Variants in DIS3L2 observed in about 807,000 individuals in gnomAD.
DIS3L2 encodes the protein DIS3 like 3'-5' exoribonuclease 2, also known as DIS3-like exonuclease 2.
DIS3L2 carries 34 observed loss-of-function variants against 97.5 expected under a neutral mutation model. The observed-to-expected ratio is 0.35, with a 90% CI of 0.27 to 0.46. The LOEUF is 0.46. Ranked by LOEUF, DIS3L2 falls within the 20% of genes least tolerant of loss-of-function variation. The pLI is 1.00. For synonymous variants in DIS3L2, 435 were observed against 445.2 expected, an observed-to-expected ratio of 0.98 and a Z score of 0.29; for missense variants, 1,038 against 1,146.0, an observed-to-expected ratio of 0.91 and a Z score of 1.36.
At position 232,318,145 on chromosome 2, in the gene DIS3L2, G is replaced by C. The variant is rs145805372; in HGVS notation, c.1740-11668G>C. On this transcript the variant is annotated intron_variant, in intron 14 of 20. Coordinates refer to ENST00000325385, the MANE Select transcript of DIS3L2 (RefSeq NM_152383.5). ...AGGCCTCCACAGAGGCCAGAGGCCA[G>C]AGGCCAGTAGTGGTCGGGGTGCCCA... 5.4e-3 allele frequency among the ~76,000 whole-genome samples: 818 copies of C among 152,368 alleles called. 10 individuals are homozygous for C. The highest frequency in any genetic ancestry group is 0.018 in the African/African-American group (756 of 41,590).
Position 232,205,637 on chromosome 2 carries a change from G to A in DIS3L2, c.1125-4689G>A, listed in dbSNP as rs1692008942. Among the ~76,000 whole-genome samples the A allele has an allele frequency of 7.2e-5, 11 of 152,116 alleles. No individual in the cohort carries two copies. The South Asian group carries it at 2.3e-3, about 32-fold the overall frequency. On this transcript the variant is annotated intron_variant, in intron 9 of 20. Coordinates refer to ENST00000325385, the MANE Select transcript of DIS3L2 (RefSeq NM_152383.5). ...TAAAAATTAGGAAATGAGGTAAAAG[G>A]AACACGTGAGTAGGAAAATTAGGCA...
chr2:232,213,938 A>C (rs1269354034), intron 10 of DIS3L2, among the ~76,000 whole-genome samples: 1 of 152,122 alleles, frequency 6.6e-6, no homozygotes, highest in Non-Finnish European at 1.5e-5. Flanking sequence ...ACCTATCTTC[A>C]TGAAATCTCA....
At position 232,057,984 on chromosome 2, in the gene DIS3L2, A is replaced by G. The variant is rs1197771594; in HGVS notation, c.366+27904A>G. ...GTGTTTACTTTAAAACAGGAGAAAA[A>G]TTAATGGCATTCCTCTGTATTTCCT... is the stretch of plus-strand genomic sequence containing the variant. On this transcript the variant is annotated intron_variant, in intron 5 of 20. Coordinates refer to ENST00000325385, the MANE Select transcript of DIS3L2 (RefSeq NM_152383.5). Among the ~76,000 whole-genome samples, 3 of 152,226 alleles carry G rather than the reference A, an allele frequency of 2.0e-5. No homozygotes were observed. In the East Asian group the frequency reaches 5.8e-4, roughly 29 times the overall value.
At chr2:232,228,888 A>G (rs750222859) in intron 10 of DIS3L2, among the ~76,000 whole-genome samples, 13 of 152,352 alleles carry the variant, frequency 8.5e-5, no homozygotes, top group Non-Finnish European at 1.5e-4. Context: ...TTTTCTCCAG[A>G]TATTTTAAAG....
chr2:232,097,598 TGTG>T (rs1266221445), intron 6 of DIS3L2, among the ~76,000 whole-genome samples: 2 of 152,026 alleles, frequency 1.3e-5, no homozygotes, highest in South Asian at 2.1e-4. Context: ...TCAGTCAACT[TGTG>T]GTGATGAATG....
intron 6 of DIS3L2, among the ~76,000 whole-genome samples, chr2:232,109,462 TA>T (rs200865559): frequency 1.7e-4 from 25 of 149,926 alleles, no homozygotes; most frequent in South Asian, 8.4e-4. Flanking sequence ...AATAAATAAA[TA>T]AAAAAAAATA....
At chr2:232,092,290 C>T (rs941467566) in intron 6 of DIS3L2, among the ~76,000 whole-genome samples, 2 of 152,138 alleles carry the variant, frequency 1.3e-5, no homozygotes, top group African/African-American at 4.8e-5. Flanking sequence ...TATGCCAGTA[C>T]CATGCCGTTT....
At chr2:232,065,727 T>C (rs1040720205) in intron 5 of DIS3L2, among the ~76,000 whole-genome samples, 5 of 152,132 alleles carry the variant, frequency 3.3e-5, no homozygotes, top group African/African-American at 4.8e-5. Context: ...CCTATTTGGA[T>C]TGCATTGAGT....
intron 11 of DIS3L2, among the ~76,000 whole-genome samples, chr2:232,248,106 AT>A (rs1693314624): frequency 6.6e-6 from 1 of 152,198 alleles, no homozygotes; most frequent in South Asian, 2.1e-4. Flanking sequence ...TACCAAAGAT[AT>A]TTACTGTACT....
intron 14 of DIS3L2, among the ~76,000 whole-genome samples, chr2:232,310,906 A>G (rs1015036684): frequency 6.6e-6 from 1 of 152,224 alleles, no homozygotes; most frequent in African/African-American, 2.4e-5. Flanking sequence ...TCTCCTCCAC[A>G]TGGAATCTGA....
chr2:231,990,396 AT>A (rs1422928748), intron 1 of DIS3L2, among the ~76,000 whole-genome samples: 1 of 152,178 alleles, frequency 6.6e-6, no homozygotes, highest in Non-Finnish European at 1.5e-5. Context: ...GTTAGAATAA[AT>A]TTCAGAGGGT....
At chr2:232,130,020 C>T (rs531340323) in intron 6 of DIS3L2, among the ~76,000 whole-genome samples, 74 of 152,108 alleles carry the variant, frequency 4.9e-4, no homozygotes, top group African/African-American at 1.5e-3. Context: ...GGTGAATGTG[C>T]GTTTTGTAAG....
chr2:232,026,243 T>C (rs1342462749), intron 4 of DIS3L2, among the ~76,000 whole-genome samples: 1 of 152,074 alleles, frequency 6.6e-6, no homozygotes, highest in Non-Finnish European at 1.5e-5. Flanking sequence ...TCAAGTAAAA[T>C]ATATTATTCT....
chr2:232,325,773 C>G lies in DIS3L2; in HGVS notation c.1740-4040C>G, dbSNP rs536528323. Among the ~76,000 whole-genome samples the G allele has an allele frequency of 6.6e-6, 1 of 152,342 alleles. No individual in the cohort carries two copies. Among genetic ancestry groups the G allele is most frequent in the East Asian group, 1.9e-4 (1 of 5,186 alleles). On this transcript the variant is annotated intron_variant, in intron 14 of 20. Coordinates refer to ENST00000325385, the MANE Select transcript of DIS3L2 (RefSeq NM_152383.5). This position sits in a 1 kb window ranked among gnomAD's most constrained non-coding sequence, Gnocchi z 4.6. ...CCTCGGAAAGCAGTTGTCAGGCAGT[C>G]CCTGAGCTCCAGCGCCCCATCCCCC... is the stretch of plus-strand genomic sequence containing the variant.
rs1383307654 is a variant in DIS3L2, at chr2:231,977,264, A to G, written c.-94+15499A>G. 4.6e-5 allele frequency among the ~76,000 whole-genome samples: 7 copies of G among 152,226 alleles called. 1 individual carries two copies. In the South Asian group the frequency reaches 1.4e-3, roughly 32 times the overall value. Reference sequence around the variant, plus strand: ...ACCGTCTGTCTGTACAATCTTATATATAATTAATTCAGAGGTTTATTGATT... The same window carrying G: ...ACCGTCTGTCTGTACAATCTTATATGTAATTAATTCAGAGGTTTATTGATT... On this transcript the variant is annotated intron_variant, in intron 1 of 20. Transcript: ENST00000325385.
At chr2:232,097,057 T>C (rs1452367685) in intron 6 of DIS3L2, among the ~76,000 whole-genome samples, 4 of 152,178 alleles carry the variant, frequency 2.6e-5, no homozygotes, top group African/African-American at 9.7e-5. Flanking sequence ...GCATCTGTCC[T>C]TCTTGGGAAG....
At chr2:232,182,254 T>A (rs1691306569) in intron 9 of DIS3L2, among the ~76,000 whole-genome samples, 1 of 152,246 alleles carries the variant, frequency 6.6e-6, no homozygotes, top group Non-Finnish European at 1.5e-5. Flanking sequence ...AATTTCTTTA[T>A]GCTATTAATT....
rs138817226 is a variant in DIS3L2, at chr2:232,044,029, A to T, written c.366+13949A>T. Among the ~76,000 whole-genome samples the T allele has an allele frequency of 2.8e-3, 426 of 152,324 alleles. 1 individual carries two copies. Among genetic ancestry groups the T allele is most frequent in the Non-Finnish European group, 4.6e-3 (316 of 68,034 alleles). On this transcript the variant is annotated intron_variant, in intron 5 of 20. Coordinates refer to ENST00000325385, the MANE Select transcript of DIS3L2 (RefSeq NM_152383.5). ...ATATGGTAGATTTGGAAAACTACAG[A>T]TATTATTTTATTTTTGAGCTTAAAA...
rs2106355288 is a variant in DIS3L2 at position 232,136,499 on chromosome 2, T to C, written c.730T>C (p.Ser244Pro). The change falls in exon 8 of 21, where the codon TCT becomes CCT. Residue 244 changes from serine to proline, a missense_variant. Ser to Pro is a moderately conservative substitution (Grantham distance 74). Transcript: ENST00000325385. Reference protein sequence around the residue: ...KVVYILEKKHSRAATGFLKLL... With the variant: ...KVVYILEKKHPRAATGFLKLL... ...GGTTTACATCTTGGAGAAAAAACAT[T>C]CTCGAGCAGCAACCGGCTTCCTCAA... 1 of 1,613,998 alleles carries C rather than the reference T, an allele frequency of 6.2e-7. No homozygotes were observed. The highest frequency in any genetic ancestry group is 8.5e-7 in the Non-Finnish European group (1 of 1,179,930).
Sources: gnomAD v4.1 joint callset for allele counts (sites outside exome capture counted in the v4.1 genomes callset) on GRCh38, gnomAD v4.1.1 for gene constraint, Gnocchi (gnomAD v3.1) non-coding constraint, MANE v1.5 for transcripts, NCBI Gene and HGNC (gene_info 2026-07-23, HGNC 2026-07-21) for gene names.